Variants in SLC24A2 observed in about 807,000 individuals in gnomAD.
The protein encoded by SLC24A2 is sodium/potassium/calcium exchanger 2.
A neutral mutation model predicts 62.0 loss-of-function variants in SLC24A2; 36 were observed. The ratio of observed to expected loss-of-function variants is 0.58; its 90% confidence interval spans 0.44 to 0.77. SLC24A2 has a LOEUF of 0.77. SLC24A2 is among the 30% of genes least tolerant of loss of function. SLC24A2 has a pLI of 0.00. For missense variants in SLC24A2, 846 were observed against 817.9 expected, an observed-to-expected ratio of 1.03 and a Z score of -0.42; for synonymous variants, 358 against 294.0, an observed-to-expected ratio of 1.22 and a Z score of -2.23.
chr9:19,595,761 A>G (rs538433828), intron 5 of SLC24A2, among the ~76,000 whole-genome samples: 1 of 152,324 alleles, frequency 6.6e-6, no homozygotes, highest in South Asian at 2.1e-4. Context: ...GAGGTAGGAC[A>G]TTAATGATAG....
intron 7 of SLC24A2, among the ~76,000 whole-genome samples, chr9:19,563,525 G>A (rs552359594): frequency 2.0e-5 from 3 of 152,082 alleles, no homozygotes; most frequent in Non-Finnish European, 4.4e-5. Flanking sequence ...TTCAGGTACC[G>A]TATGCTTGGA....
intron 2 of SLC24A2, among the ~76,000 whole-genome samples, chr9:19,678,866 C>A (rs981152872): frequency 2.0e-5 from 3 of 152,088 alleles, no homozygotes; most frequent in African/African-American, 7.2e-5. Context: ...ATAAAAAAAT[C>A]AATTGTGTAA....
At chr9:19,894,639 G>C in the SLC24A2 span, among the ~76,000 whole-genome samples, 4 of 151,970 alleles carry the variant, frequency 2.6e-5, no homozygotes, top group Non-Finnish European at 4.4e-5. Context: ...AGTAAGCACA[G>C]CCTACTTTCT....
At chr9:20,064,757 A>G in the SLC24A2 span, among the ~76,000 whole-genome samples, 1 of 152,244 alleles carries the variant, frequency 6.6e-6, no homozygotes, top group Non-Finnish European at 1.5e-5. Flanking sequence ...AGCTGAAAGC[A>G]GAAATCAGGA....
the SLC24A2 span, among the ~76,000 whole-genome samples, chr9:20,060,383 A>G: frequency 6.6e-6 from 1 of 151,736 alleles, no homozygotes; most frequent in South Asian, 2.1e-4. Flanking sequence ...CCTCATAAAC[A>G]TAGATGCAAA....
In SLC24A2 at chr9:19,673,511, C is replaced by T. The variant is rs572934541; in HGVS notation, c.931-51212G>A. On this transcript the variant is annotated intron_variant, in intron 2 of 10. Coordinates refer to ENST00000341998, the MANE Select transcript of SLC24A2 (RefSeq NM_020344.4). The stretch of plus-strand genomic sequence containing the variant: ...TCCTTCAGGCTGGAGTGCAGTGGCA[C>T]GATATCAGTTCACTGCAACCTCTGC... 3.3e-5 allele frequency among the ~76,000 whole-genome samples: 5 copies of T among 152,084 alleles called. No homozygotes were observed. The East Asian group carries it at 5.8e-4, about 18-fold the overall frequency.
At chr9:19,856,681 C>A in the SLC24A2 span, among the ~76,000 whole-genome samples, 1 of 152,026 alleles carries the variant, frequency 6.6e-6, no homozygotes, top group Non-Finnish European at 1.5e-5. Context: ...GAGCTCTGTC[C>A]CAGAGGGGCA....
chr9:20,296,775 G>A, the SLC24A2 span, among the ~76,000 whole-genome samples: 1 of 152,158 alleles, frequency 6.6e-6, no homozygotes, highest in African/African-American at 2.4e-5. Flanking sequence ...CAATCATAGT[G>A]GTATGCATTT....
At chr9:19,530,860 C>T (rs1178994233) in intron 8 of SLC24A2, among the ~76,000 whole-genome samples, 1 of 152,128 alleles carries the variant, frequency 6.6e-6, no homozygotes, top group African/African-American at 2.4e-5. Flanking sequence ...ACTCTGTACC[C>T]AGATCCTGAA....
intron 5 of SLC24A2, among the ~76,000 whole-genome samples, chr9:19,578,952 C>A (rs896439304): frequency 2.6e-5 from 4 of 152,162 alleles, no homozygotes; most frequent in African/African-American, 9.7e-5. Context: ...ACTGAGTACA[C>A]TCTCAAAAGA....
chr9:20,122,925 A>G, the SLC24A2 span, among the ~76,000 whole-genome samples: 7 of 152,334 alleles, frequency 4.6e-5, no homozygotes, highest in South Asian at 1.0e-3. Context: ...GAGCCAGTCA[A>G]TAAATGTCAT....
chr9:19,788,638 C>G, intron 1 of SLC24A2: 4 of 985,438 alleles, frequency 4.1e-6, no homozygotes, highest in Non-Finnish European at 4.8e-6. Context: ...GCGTCTCCCC[C>G]GACGGCAGGC....
At chr9:20,222,127 C>T in the SLC24A2 span, among the ~76,000 whole-genome samples, 1 of 151,382 alleles carries the variant, frequency 6.6e-6, no homozygotes, top group Non-Finnish European at 1.5e-5. Context: ...TATTAAATAA[C>T]GAAATAATGG....
At chr9:19,612,655 C>A (rs1455439207) in intron 4 of SLC24A2, among the ~76,000 whole-genome samples, 1 of 152,182 alleles carries the variant, frequency 6.6e-6, no homozygotes, top group African/African-American at 2.4e-5. Context: ...TCAATCCTCA[C>A]TCTTATTAAA....
the SLC24A2 span, among the ~76,000 whole-genome samples, chr9:20,173,002 T>G: frequency 6.6e-6 from 1 of 152,132 alleles, no homozygotes; most frequent in East Asian, 1.9e-4. Flanking sequence ...GTGGGTTTCA[T>G]ACCAGGGTTG....
rs562219501 is a variant in SLC24A2, at chr9:19,694,299, CAAGGAAAGT to C, written c.931-72009_931-72001del. Among the ~76,000 whole-genome samples the C allele has an allele frequency of 7.2e-5, 11 of 152,194 alleles. No homozygotes were observed. In the South Asian group the frequency reaches 2.3e-3, roughly 32 times the overall value. ...ACGCTTTAATAAAAGGTATTTTATA[CAAGGAAAGT>C]CCTAAATCAAGGTTATTACAGATTA... On this transcript the variant is annotated intron_variant, in intron 2 of 10. Transcript: ENST00000341998.
the SLC24A2 span, among the ~76,000 whole-genome samples, chr9:19,969,045 TA>T: frequency 6.6e-6 from 1 of 152,130 alleles, no homozygotes; most frequent in African/African-American, 2.4e-5. Flanking sequence ...TTCCAGTGTT[TA>T]TAACTAGCAC....
At chr9:19,752,933 G>C (rs1286854768) in intron 2 of SLC24A2, among the ~76,000 whole-genome samples, 1 of 152,164 alleles carries the variant, frequency 6.6e-6, no homozygotes, top group Non-Finnish European at 1.5e-5. Flanking sequence ...GCAAAACTAT[G>C]CTCAAAATTC....
chr9:19,794,010 C>T (rs1823349263), upstream of SLC24A2, among the ~76,000 whole-genome samples: 1 of 152,136 alleles, frequency 6.6e-6, no homozygotes, highest in South Asian at 2.1e-4. Context: ...CATTTTTTGT[C>T]TGGTGGCTTT....
Sources: gnomAD v4.1 joint callset for allele counts (sites outside exome capture counted in the v4.1 genomes callset) on GRCh38, gnomAD v4.1.1 for gene constraint, MANE v1.5 for transcripts, NCBI Gene and HGNC (gene_info 2026-07-23, HGNC 2026-07-21) for gene names.